PALD1: variants seen among roughly 807,000 people sequenced by gnomAD.
PALD1 encodes phosphatase domain containing paladin 1, also known as paladin.
In PALD1, 57 loss-of-function variants were observed where a neutral mutation model predicts 96.0. The ratio of observed to expected loss-of-function variants is 0.59; its 90% CI spans 0.48 to 0.74. PALD1 has a LOEUF of 0.74. Ranked by LOEUF, PALD1 falls within the 30% of genes least tolerant of loss-of-function variation. The pLI is 0.00. For missense variants in PALD1, 1,063 were observed against 1,143.7 expected (o/e 0.93, Z 1.02); for synonymous variants, 464 against 473.6 (o/e 0.98, Z 0.26).
At chr10:70,459,830 T>C in the PALD1 span, among the ~76,000 whole-genome samples, 1 of 152,098 alleles carries the variant, frequency 6.6e-6, no homozygotes, top group African/African-American at 2.4e-5. Flanking sequence ...AGCCACCCCA[T>C]AGGTGAACGC....
intron 18 of PALD1, among the ~76,000 whole-genome samples, chr10:70,561,252 A>T (rs1029345222): frequency 2.6e-5 from 4 of 152,254 alleles, no homozygotes; most frequent in African/African-American, 7.2e-5. Flanking sequence ...CATGGCACAG[A>T]GCCAGAGCTG....
rs1263487180 is a variant in PALD1, at chr10:70,564,418, C to A, written c.2317C>A (p.Gln773Lys). Residue 773 changes from glutamine (Q) to lysine (K), a missense_variant, in exon 19 of 20, where the codon CAG becomes AAG. Gln to Lys is a moderately conservative substitution (Grantham distance 53). Coordinates refer to ENST00000263563, the MANE Select transcript of PALD1 (RefSeq NM_014431.3). ...EMRRLQLRSL[Q>K]YLERYVCLIL... is the part of the protein sequence containing the mutation. ...GCGGAGGCTGCAGCTGCGGAGCCTG[C>A]AGTACTTGGAGCGCTATGTCTGCCT... 3 of 1,614,104 alleles carry A rather than the reference C, an allele frequency of 1.9e-6. No homozygotes were observed. The highest frequency in any genetic ancestry group is 2.5e-6 in the Non-Finnish European group (3 of 1,179,966).
Position 70,520,683 on chromosome 10 carries a change from T to C in PALD1, c.-29-5240T>C, listed in dbSNP as rs111489858. 4.1e-3 allele frequency among the ~76,000 whole-genome samples: 450 copies of C among 109,808 alleles called. 3 individuals are homozygous for C. Among genetic ancestry groups the C allele is most frequent in the African/African-American group, 0.014 (420 of 29,596 alleles). The allele number at this position is 109,808 out of a possible 152,430, so 72.0% of individuals were successfully genotyped here. ...GGTCAGTTTCTTTTCTTTTCTTTCTTTCTTTTTTTTTTTTTTTTTTTTTTT... is the reference window on the plus strand; with the variant it reads ...GGTCAGTTTCTTTTCTTTTCTTTCTCTCTTTTTTTTTTTTTTTTTTTTTTT... On this transcript the variant is annotated intron_variant, in intron 1 of 19. Transcript: ENST00000263563.
At chr10:70,538,128 C>A in intron 11 of PALD1, 152 bp from the exon 12 acceptor site, 2 of 844,628 alleles carry the variant, frequency 2.4e-6, no homozygotes, top group South Asian at 1.7e-5. Flanking sequence ...ACCAGGACAC[C>A]AGACGTCCAG....
intron 1 of PALD1, among the ~76,000 whole-genome samples, chr10:70,501,147 G>A (rs1846285920): frequency 1.3e-5 from 2 of 152,150 alleles, no homozygotes. Context: ...TTACTCCTGG[G>A]GATGCTGAGG....
In PALD1 at chr10:70,539,247, G is replaced by A; in HGVS notation, c.1725G>A (p.Glu575=). 6.2e-7 allele frequency: 1 copy of A among 1,607,042 alleles called. No homozygotes were observed. The highest frequency in any genetic ancestry group is 8.5e-7 in the Non-Finnish European group (1 of 1,177,408). ...PGPPVAPDQL[E]TLEAQLKAHL... ...CCCCTGTGGCTCCTGACCAGCTGGAGGTGAGGCCCCCTGCCCTCTAGGCAC... is the reference window on the plus strand; with the variant it reads ...CCCCTGTGGCTCCTGACCAGCTGGAAGTGAGGCCCCCTGCCCTCTAGGCAC... Residue 575 remains glutamate, a splice_region_variant and synonymous_variant, in exon 14 of 20, where the codon GAG becomes GAA. Coordinates refer to ENST00000263563, the MANE Select transcript of PALD1 (RefSeq NM_014431.3). The surrounding 1 kb of genome is among the most constrained non-coding windows in gnomAD (Gnocchi z 4.5).
At position 70,539,693 on chromosome 10, in the gene PALD1, C is replaced by A. The variant is rs753429865; in HGVS notation, c.1839C>A (p.His613Gln). Residue 613 changes from histidine to glutamine, a missense_variant, in exon 15 of 20, where the codon CAC becomes CAA. Coordinates refer to ENST00000263563, the MANE Select transcript of PALD1 (RefSeq NM_014431.3). This position sits in a 1 kb window ranked among gnomAD's most constrained non-coding sequence, Gnocchi z 4.5. ...CCATGCAGGAGGTCTTCAGCCAGCACCGCAGGGCCTGTCCTGGCCTCACCT... is the reference window on the plus strand; with the variant it reads ...CCATGCAGGAGGTCTTCAGCCAGCAACGCAGGGCCTGTCCTGGCCTCACCT... ...CLTMQEVFSQ[H>Q]RRACPGLTYH... 6.2e-7 allele frequency: 1 copy of A among 1,613,790 alleles called. No homozygotes were observed.
chr10:70,480,516 T>C (rs1845912003), intron 1 of PALD1, among the ~76,000 whole-genome samples: 1 of 152,082 alleles, frequency 6.6e-6, no homozygotes, highest in Non-Finnish European at 1.5e-5. Flanking sequence ...AGGGCCCAGG[T>C]GGCTTGAGGT....
intron 1 of PALD1, among the ~76,000 whole-genome samples, chr10:70,487,895 G>A (rs572496147): frequency 6.6e-6 from 1 of 152,202 alleles, no homozygotes; most frequent in South Asian, 2.1e-4. Context: ...TCCCACCTTG[G>A]GCCCAGGCCC....
intron 18 of PALD1, among the ~76,000 whole-genome samples, chr10:70,560,717 C>T (rs1372384639): frequency 6.6e-6 from 1 of 151,938 alleles, no homozygotes; most frequent in Non-Finnish European, 1.5e-5. Context: ...TGCTGGGCTG[C>T]CTCGATGCCA....
chr10:70,464,077 G>A, the PALD1 span, among the ~76,000 whole-genome samples: 2 of 152,142 alleles, frequency 1.3e-5, no homozygotes, highest in African/African-American at 2.4e-5. Flanking sequence ...GTTCCCTCGG[G>A]CCGCTCCCAG....
At chr10:70,514,308 G>A (rs559185482) in intron 1 of PALD1, among the ~76,000 whole-genome samples, 2 of 152,308 alleles carry the variant, frequency 1.3e-5, no homozygotes, top group Admixed American at 6.5e-5. Flanking sequence ...TGGCAGCCCC[G>A]CCTGCAGAGC....
At chr10:70,529,436 T>C in intron 3 of PALD1, 105 bp downstream of exon 3, 1 of 639,586 alleles carries the variant, frequency 1.6e-6, no homozygotes, top group Non-Finnish European at 2.9e-6. Flanking sequence ...TTTCCCCGTC[T>C]CTCTGCCCAT....
Position 70,539,433 on chromosome 10 carries a change from G to A in PALD1, c.1726-147G>A, listed in dbSNP as rs907395669. 1.5e-5 allele frequency: 15 copies of A among 1,006,902 alleles called. No individual in the cohort carries two copies. In the South Asian group the frequency reaches 2.5e-4, roughly 17 times the overall value. 62.4% of individuals were successfully genotyped at this position (1,006,902 alleles called of 1,614,324 possible). On this transcript the variant is annotated intron_variant, in intron 14 of 19. Transcript: ENST00000263563. This position sits in a 1 kb window ranked among gnomAD's most constrained non-coding sequence, Gnocchi z 4.5. ...TGCTCTGCTAACCTGCTTGGCTTTG[G>A]GGGGTGGCTGTGACCCCTGAGGCTT... is the stretch of plus-strand genomic sequence containing the variant.
chr10:70,521,080 TG>T (rs1321408579), intron 1 of PALD1, among the ~76,000 whole-genome samples: 2 of 152,176 alleles, frequency 1.3e-5, no homozygotes, highest in Non-Finnish European at 2.9e-5. Flanking sequence ...GCAGCCTGGA[TG>T]ATTCTGTGGC....
At chr10:70,536,143 G>A (rs535506700) in intron 10 of PALD1, among the ~76,000 whole-genome samples, 4 of 152,166 alleles carry the variant, frequency 2.6e-5, no homozygotes, top group African/African-American at 4.8e-5. Context: ...GGTGGCACGC[G>A]TAGTACCAAC....
At chr10:70,481,478 A>G (rs1236336888) in intron 1 of PALD1, among the ~76,000 whole-genome samples, 2 of 151,876 alleles carry the variant, frequency 1.3e-5, no homozygotes, top group Admixed American at 6.6e-5. Context: ...TGGCCTCTCC[A>G]CCTCTGCATT....
chr10:70,538,353 CGCTGAG>C lies in PALD1; in HGVS notation c.1398_1403del (p.Leu467_Ser468del). The C allele has an allele frequency of 6.2e-7, 1 of 1,610,268 alleles. No homozygotes were observed. Among genetic ancestry groups the C allele is most frequent in the African/African-American group, 1.3e-5 (1 of 75,062 alleles). The stretch of plus-strand genomic sequence containing the variant: ...CCTGAGCTGTACCGCCTGCCCGTGA[CGCTGAG>C]CTCAGCAGGCCCTGTGGCTCCGAGG... On this transcript the variant is annotated inframe_deletion, in exon 12 of 20. Coordinates refer to ENST00000263563, the MANE Select transcript of PALD1 (RefSeq NM_014431.3).
At chr10:70,523,532 C>A (rs1589194058) in intron 1 of PALD1, among the ~76,000 whole-genome samples, 1 of 152,250 alleles carries the variant, frequency 6.6e-6, no homozygotes, top group East Asian at 1.9e-4. Flanking sequence ...TGCCCTTGGC[C>A]AGTGAGGGGG....
Sources: gnomAD v4.1 joint callset for allele counts (sites outside exome capture counted in the v4.1 genomes callset) on GRCh38, gnomAD v4.1.1 for gene constraint, Gnocchi (gnomAD v3.1) non-coding constraint, MANE v1.5 for transcripts, NCBI Gene and HGNC (gene_info 2026-07-23, HGNC 2026-07-21) for gene names.